Variants in PDE1C observed in about 807,000 individuals in gnomAD.
The protein encoded by PDE1C is dual specificity calcium/calmodulin-dependent 3',5'-cyclic nucleotide phosphodiesterase 1C.
PDE1C carries 62 observed loss-of-function variants against 93.1 expected under a neutral mutation model. The observed-to-expected ratio is 0.67, with a 90% CI of 0.54 to 0.82. The LOEUF (loss-of-function observed/expected upper bound fraction) is 0.82. PDE1C is among the 40% of genes least tolerant of loss of function. PDE1C has a pLI of 0.00. For missense variants in PDE1C, 742 were observed against 884.6 expected (o/e 0.84, Z 2.04); for synonymous variants, 325 against 310.1 (o/e 1.05, Z -0.50).
intron 15 of PDE1C, among the ~76,000 whole-genome samples, chr7:31,815,051 A>C (rs6462306): frequency 1 from 151,574 of 152,130 alleles, 75,516 homozygotes; most frequent in East Asian, 1. Context: ...AAGTATCTTT[A>C]GCCCATCTGA....
the PDE1C span, chr7:31,695,862 G>T: frequency 3.1e-6 from 1 of 319,322 alleles, no homozygotes; most frequent in East Asian, 5.4e-5. Context: ...AAACCATGGG[G>T]TGAGGAGGCA....
intron 16 of PDE1C, among the ~76,000 whole-genome samples, chr7:31,778,525 C>T (rs1783171241): frequency 6.6e-6 from 1 of 152,184 alleles, no homozygotes; most frequent in South Asian, 2.1e-4. Context: ...TCAGTAGCTC[C>T]TCCCTAGTCA....
In PDE1C at chr7:32,262,031, TA is replaced by T. The variant is rs1423629950; in HGVS notation, c.85+36619del. Among the ~76,000 whole-genome samples the T allele has an allele frequency of 6.6e-4, 79 of 119,830 alleles. 1 individual carries two copies. The highest frequency in any genetic ancestry group is 2.0e-3 in the African/African-American group (70 of 34,208). The allele number at this position is 119,830 out of a possible 152,430, so 78.6% of individuals were successfully genotyped here. On this transcript the variant is annotated intron_variant, in intron 1 of 18. Coordinates refer to the PDE1C transcript ENST00000396193. Reference sequence around the variant, plus strand: ...TTTTTTTTTTTTTTTTTTTTTTTTTTAATGTGACATCTAGTGGCTGGTGAAA... The same window carrying T: ...TTTTTTTTTTTTTTTTTTTTTTTTTTATGTGACATCTAGTGGCTGGTGAAA...
intron 1 of PDE1C, among the ~76,000 whole-genome samples, chr7:32,323,998 A>T (rs1304583879): frequency 6.6e-6 from 1 of 152,214 alleles, no homozygotes; most frequent in Non-Finnish European, 1.5e-5. Flanking sequence ...GTCAACAAAC[A>T]TCAGCCCATG....
At chr7:31,651,811 G>T in the PDE1C span, 1 of 635,206 alleles carries the variant, frequency 1.6e-6, no homozygotes, top group Non-Finnish European at 2.7e-6. Context: ...GTCTCCAGCT[G>T]ACACAAATAA....
intron 2 of PDE1C, among the ~76,000 whole-genome samples, chr7:31,882,929 G>C (rs1166402575): frequency 6.6e-6 from 1 of 152,132 alleles, no homozygotes; most frequent in Non-Finnish European, 1.5e-5. Context: ...CAGATGAAAA[G>C]GGATCAAATA....
rs1292002913 is a variant in PDE1C, at chr7:32,298,778, C to T, written c.-43G>A. The T allele has an allele frequency of 1.2e-5, 18 of 1,549,958 alleles. No individual in the cohort carries two copies. The East Asian group carries it at 4.3e-4, about 37-fold the overall frequency. The stretch of plus-strand genomic sequence containing the variant: ...AGGGGCCTCGCAGCGAGACCAGCGG[C>T]GTCTGCGGTCCCCCCCACGGCGGAG... On this transcript the variant is annotated 5_prime_UTR_variant, in exon 1 of 19. Transcript: ENST00000396193.
intron 2 of PDE1C, among the ~76,000 whole-genome samples, chr7:32,206,398 C>T (rs114491028): frequency 1.8e-4 from 28 of 152,046 alleles, no homozygotes; most frequent in Non-Finnish European, 2.4e-4. Context: ...TAATAGAGAC[C>T]GACAGTTGCA....
intron 1 of PDE1C, among the ~76,000 whole-genome samples, chr7:32,063,968 A>G (rs1247111003): frequency 2.6e-5 from 4 of 152,212 alleles, no homozygotes; most frequent in Non-Finnish European, 5.9e-5. Context: ...CCTAGCACCT[A>G]GTACATAATG....
intron 2 of PDE1C, among the ~76,000 whole-genome samples, chr7:31,918,915 G>A (rs1454968623): frequency 6.6e-6 from 1 of 152,162 alleles, no homozygotes; most frequent in African/African-American, 2.4e-5. Context: ...AAGTTCCCTG[G>A]TGGGACAGAC....
At chr7:32,295,869 G>A (rs890420640) in intron 1 of PDE1C, among the ~76,000 whole-genome samples, 22 of 136,514 alleles carry the variant, frequency 1.6e-4, no homozygotes, top group Admixed American at 5.6e-4. Flanking sequence ...ACTCCAGCCC[G>A]GGTGAGAGAG....
chr7:31,695,813 A>G, the PDE1C span: 1 of 440,130 alleles, frequency 2.3e-6, no homozygotes, highest in African/African-American at 2.4e-5. Flanking sequence ...TTAGGGGCTT[A>G]ATACAATAAA....
the PDE1C span, among the ~76,000 whole-genome samples, chr7:31,731,864 C>A: frequency 2.4e-4 from 36 of 152,280 alleles, no homozygotes; most frequent in African/African-American, 8.2e-4. Flanking sequence ...TTCCCAGAGT[C>A]CTTGAGTGAC....
intron 3 of PDE1C, among the ~76,000 whole-genome samples, chr7:32,106,203 G>C (rs1471646823): frequency 6.6e-6 from 1 of 152,014 alleles, no homozygotes; most frequent in East Asian, 1.9e-4. Context: ...TATTTTTGCA[G>C]AGATTGGGCC....
chr7:32,162,851 C>G (rs572333238), intron 3 of PDE1C, among the ~76,000 whole-genome samples: 3 of 152,138 alleles, frequency 2.0e-5, no homozygotes, highest in Non-Finnish European at 2.9e-5. Flanking sequence ...CCTCCCTTCC[C>G]AAACTACCAG....
chr7:31,940,256 G>A (rs1486001057), intron 2 of PDE1C, among the ~76,000 whole-genome samples: 3 of 152,084 alleles, frequency 2.0e-5, no homozygotes, highest in Admixed American at 6.6e-5. Flanking sequence ...CCAACCAAGC[G>A]GTATTGGAGG....
intron 3 of PDE1C, among the ~76,000 whole-genome samples, chr7:32,128,781 C>A (rs1563336317): frequency 6.6e-6 from 1 of 150,696 alleles, no homozygotes; most frequent in Non-Finnish European, 1.5e-5. Flanking sequence ...AGGTAATTAT[C>A]CATCTAGGAA....
chr7:31,922,393 GC>G (rs1802742279), intron 2 of PDE1C, among the ~76,000 whole-genome samples: 1 of 152,178 alleles, frequency 6.6e-6, no homozygotes, highest in South Asian at 2.1e-4. Flanking sequence ...TAGTGATAGA[GC>G]TTTTATAGTT....
chr7:31,906,978 A>G (rs1178541255), intron 2 of PDE1C, among the ~76,000 whole-genome samples: 3 of 152,132 alleles, frequency 2.0e-5, no homozygotes, highest in Non-Finnish European at 4.4e-5. Flanking sequence ...TGCTGGGTAC[A>G]TAAATAACTA....
Sources: allele counts gnomAD v4.1 joint callset (sites outside exome capture counted in the v4.1 genomes callset), GRCh38; gene constraint gnomAD v4.1.1; transcripts MANE v1.5; gene names NCBI Gene and HGNC (gene_info 2026-07-23, HGNC 2026-07-21).